ARHGAP9: variants seen among roughly 807,000 people sequenced by gnomAD.
ARHGAP9 encodes rho GTPase-activating protein 9.
In ARHGAP9, 76 loss-of-function variants were observed where a neutral mutation model predicts 87.3. The observed-to-expected ratio is 0.87, with a 90% CI of 0.72 to 1.05. ARHGAP9 has a LOEUF of 1.05. ARHGAP9 is among the 50% of genes least tolerant of loss of function. The probability of loss-of-function intolerance (pLI) is 0.00; values close to 1 mark genes in which losing one functional copy is unlikely to be tolerated. For missense variants in ARHGAP9, 941 were observed against 960.5 expected, an observed-to-expected ratio of 0.98 and a Z score of 0.27; for synonymous variants, 382 against 394.9, an observed-to-expected ratio of 0.97 and a Z score of 0.39.
At chr12:57,474,396 G>T (rs1278987712) in intron 15 of ARHGAP9, 27 bp downstream of exon 15, 1 of 1,613,616 alleles carries the variant, frequency 6.2e-7, no homozygotes, top group Non-Finnish European at 8.5e-7. Context: ...AAGTTTTAGG[G>T]ATCTGAAGGG....
chr12:57,475,010 C>T (rs548301559), intron 12 of ARHGAP9, 37 bp from the exon 13 acceptor site: 3 of 1,595,070 alleles, frequency 1.9e-6, no homozygotes, highest in East Asian at 2.2e-5. Context: ...CCAGTGCCAG[C>T]GTCACTCACA....
At chr12:57,488,507 C>T in intron 1 of ARHGAP9, 7 of 1,460,852 alleles carry the variant, frequency 4.8e-6, no homozygotes, top group African/African-American at 1.4e-5. Flanking sequence ...AGGCATCCCC[C>T]TCTGCTCTTT....
chr12:57,488,283 C>G, intron 1 of ARHGAP9: 1 of 1,307,052 alleles, frequency 7.7e-7, no homozygotes, highest in South Asian at 1.3e-5. Flanking sequence ...TTTGCCAAAC[C>G]CCTAGCCCTC....
At chr12:57,478,174 AG>A (rs1175627180) in intron 3 of ARHGAP9, 3 of 308,678 alleles carry the variant, frequency 9.7e-6, no homozygotes, top group Non-Finnish European at 1.8e-5. Context: ...GCCCTGGGCT[AG>A]GAGTCTGGAG....
At position 57,474,183 on chromosome 12, in the gene ARHGAP9, G is replaced by C. The variant is rs749285896; in HGVS notation, c.1784-7C>G. ...TCCAAATCTAACCGACCTTCTGGAG[G>C]GAGAAGGAGGTATAGGGGCTCATGA... On this transcript the variant is annotated splice_region_variant and splice_polypyrimidine_tract_variant and intron_variant, in intron 15 of 17. Transcript: ENST00000393791. 6.2e-7 allele frequency: 1 copy of C among 1,610,390 alleles called. No homozygotes were observed. Among genetic ancestry groups the C allele is most frequent in the Non-Finnish European group, 8.5e-7 (1 of 1,177,460 alleles).
intron 16 of ARHGAP9, 62 bp from the exon 17 acceptor site, chr12:57,473,770 G>T (rs1263182722): frequency 4.9e-6 from 7 of 1,431,060 alleles, no homozygotes; most frequent in Non-Finnish European, 5.9e-6. Context: ...GACAGGATGG[G>T]TAAATGCACT....
Position 57,474,411 on chromosome 12 carries a change from C to T in ARHGAP9, c.1783+12G>A, listed in dbSNP as rs762246496. ...AAGTTTTAGGGATCTGAAGGGTCTT[C>T]CATGTAAGTACCTTGTCCTGGCTGT... is the stretch of plus-strand genomic sequence containing the variant. On this transcript the variant is annotated intron_variant, in intron 15 of 17. Coordinates refer to ENST00000393791, the MANE Select transcript of ARHGAP9 (RefSeq NM_032496.4). The T allele has an allele frequency of 1.2e-6, 2 of 1,614,070 alleles. No homozygotes were observed. The highest frequency in any genetic ancestry group is 1.7e-5 in the Admixed American group (1 of 60,026).
At chr12:57,474,527 T>TGAC (rs1355939230) in intron 14 of ARHGAP9, 51 bp from the exon 15 acceptor site, 1 of 1,613,498 alleles carries the variant, frequency 6.2e-7, no homozygotes, top group Non-Finnish European at 8.5e-7. Context: ...ACTTCCAGCC[T>TGAC]GACGGCCTCT....
At position 57,473,762 on chromosome 12, in the gene ARHGAP9, C is replaced by T. The variant is rs866550374; in HGVS notation, c.1919-54G>A. On this transcript the variant is annotated intron_variant, in intron 16 of 17. Coordinates refer to ENST00000393791, the MANE Select transcript of ARHGAP9 (RefSeq NM_032496.4). The stretch of plus-strand genomic sequence containing the variant: ...AGTAAGGTTAGGGAAGGTGCTAGGA[C>T]AGGATGGGTAAATGCACTGCTCTTT... 5 of 1,495,304 alleles carry T rather than the reference C, an allele frequency of 3.3e-6. No individual in the cohort carries two copies. The Admixed American group carries it at 8.5e-5, about 25-fold the overall frequency. The allele number at this position is 1,495,304 out of a possible 1,614,324, so 92.6% of individuals were successfully genotyped here.
chr12:57,479,418 C>A lies in ARHGAP9; in HGVS notation c.-12G>T, dbSNP rs547988348. 1 of 1,607,606 alleles carries A rather than the reference C, an allele frequency of 6.2e-7. No individual in the cohort carries two copies. The highest frequency in any genetic ancestry group is 1.1e-5 in the South Asian group (1 of 90,750). On this transcript the variant is annotated 5_prime_UTR_variant, in exon 2 of 18. Coordinates refer to ENST00000393791, the MANE Select transcript of ARHGAP9 (RefSeq NM_032496.4). ...CGGCTGGATAGCATTGTAGCCAGCA[C>A]TGTCACCTGTGAGAAAAAGGGACAC...
chr12:57,487,979 C>G, intron 1 of ARHGAP9: 1 of 804,592 alleles, frequency 1.2e-6, no homozygotes, highest in East Asian at 2.5e-5. Flanking sequence ...GGTAGCGGTG[C>G]CAGGGCAGTG....
Position 57,476,461 on chromosome 12 carries a change from G to C in ARHGAP9, c.1026-7C>G. The C allele has an allele frequency of 1.2e-6, 2 of 1,614,022 alleles. No homozygotes were observed. Among genetic ancestry groups the C allele is most frequent in the Non-Finnish European group, 1.7e-6 (2 of 1,180,004 alleles). Reference sequence around the variant, plus strand: ...AGACGGGCCCCAGTTCTTCCTGCGGGGACAGAGAGGGGAGGTAGTGGTAGC... The same window carrying C: ...AGACGGGCCCCAGTTCTTCCTGCGGCGACAGAGAGGGGAGGTAGTGGTAGC... On this transcript the variant is annotated splice_polypyrimidine_tract_variant and splice_region_variant and intron_variant, in intron 7 of 17. Coordinates refer to ENST00000393791, the MANE Select transcript of ARHGAP9 (RefSeq NM_032496.4).
chr12:57,482,261 G>A (rs555756719), upstream of ARHGAP9, among the ~76,000 whole-genome samples: 15 of 150,660 alleles, frequency 1.0e-4, no homozygotes, highest in Middle Eastern at 6.8e-3. Flanking sequence ...TTTTTTTTGA[G>A]TCGGAGTCTT....
In ARHGAP9 at chr12:57,474,122, C is replaced by T; in HGVS notation, c.1838G>A (p.Gly613Glu). Residue 613 changes from glycine (G) to glutamate (E), a missense_variant, in exon 16 of 18, where the codon GGA becomes GAA. Transcript: ENST00000393791. ...CTCCCGGAGAAAAAGCTTCAGGGCT[C>T]CGGTGACCACATGAATGTCATCCCA... The part of the protein sequence containing the change: ...TEWDDIHVVT[G>E]ALKLFLRELP... The T allele has an allele frequency of 6.2e-7, 1 of 1,614,194 alleles. No homozygotes were observed. The highest frequency in any genetic ancestry group is 1.3e-5 in the African/African-American group (1 of 75,048).
chr12:57,477,738 T>C (rs750216100), intron 3 of ARHGAP9, 58 bp from the exon 4 acceptor site: 27 of 1,588,118 alleles, frequency 1.7e-5, no homozygotes, highest in Non-Finnish European at 2.3e-5. Flanking sequence ...TTCCCATGCT[T>C]CTCTTGGCCT....
upstream of ARHGAP9, among the ~76,000 whole-genome samples, chr12:57,483,567 CA>C (rs1340009405): frequency 6.6e-6 from 1 of 152,216 alleles, no homozygotes; most frequent in African/African-American, 2.4e-5. Flanking sequence ...GTCTCCACCA[CA>C]AACTCCACAC....
At chr12:57,485,366 G>C (rs1245217189) in intron 1 of ARHGAP9, among the ~76,000 whole-genome samples, 1 of 150,126 alleles carries the variant, frequency 6.7e-6, no homozygotes, top group African/African-American at 2.4e-5. Flanking sequence ...GACCAGCCTG[G>C]CCAACATGAT....
chr12:57,478,070 C>T lies in ARHGAP9; in HGVS notation c.535-390G>A, dbSNP rs1234386023. On this transcript the variant is annotated intron_variant, in intron 3 of 17. Coordinates refer to ENST00000393791, the MANE Select transcript of ARHGAP9 (RefSeq NM_032496.4). ...AAGGGAAGAGGAGCCCCTTTCCACC[C>T]ACGGTTAAGAAAGAGAGGGAAGGGC... 4 of 724,828 alleles carry T rather than the reference C, an allele frequency of 5.5e-6. No homozygotes were observed. In the East Asian group the frequency reaches 3.2e-4, roughly 58 times the overall value. The allele number at this position is 724,828 out of a possible 1,614,324, so 44.9% of individuals were successfully genotyped here. A position where few individuals can be genotyped will look rare whatever the true frequency, so the allele number is the denominator to read the frequency against.
At chr12:57,488,796 C>T in exon 1 of ARHGAP9, 1 of 867,302 alleles carries the variant, frequency 1.2e-6, no homozygotes. Flanking sequence ...CTCTGCAGTC[C>T]CCATCTGTTG....
Sources: allele counts gnomAD v4.1 joint callset (sites outside exome capture counted in the v4.1 genomes callset), GRCh38; gene constraint gnomAD v4.1.1; transcripts MANE v1.5; gene names NCBI Gene and HGNC (gene_info 2026-07-23, HGNC 2026-07-21).